The following TENM2 variants were observed in gnomAD, a reference collection of about 807,000 sequenced individuals.
The protein encoded by TENM2 is teneurin-2.
Under a neutral mutation model 245.2 loss-of-function variants are expected in TENM2, and 52 were observed. The ratio of observed to expected loss-of-function variants is 0.21; its 90% CI spans 0.17 to 0.27. The LOEUF (loss-of-function observed/expected upper bound fraction) is 0.27, where lower values mean the gene tolerates loss of function less well. Among genes scored for constraint, TENM2 ranks in the 10% least tolerant of loss-of-function variants. The pLI is 1.00. For missense variants in TENM2, 3,046 were observed against 3,666.8 expected (o/e 0.83, Z 4.37); for synonymous variants, 1,363 against 1,438.9 (o/e 0.95, Z 1.19).
intron 1 of TENM2, among the ~76,000 whole-genome samples, chr5:167,354,150 C>T (rs574656963): frequency 4.6e-5 from 7 of 152,236 alleles, no homozygotes; most frequent in Admixed American, 2.6e-4. Flanking sequence ...AAAGACCAGC[C>T]GGAACTGCCA....
rs1561625931 is a variant in TENM2, at chr5:167,638,120, TGTGTGTGTGTGTGTGTG to T, written c.503-237865_503-237849del. 1.4e-3 allele frequency among the ~76,000 whole-genome samples: 206 copies of T among 150,502 alleles called. 2 individuals carry two copies. The East Asian group carries it at 0.031, about 23-fold the overall frequency. On this transcript the variant is annotated intron_variant, in intron 2 of 28. Transcript: ENST00000518659. ...GTGTGTGTGTGTGTGTGTGTGTGTGTGTGTGTGTGTGTGTGTGTGTGTGTCAGGGGGCATGCATACAC... is the reference window on the plus strand; with the variant it reads ...GTGTGTGTGTGTGTGTGTGTGTGTGTTGTGTGTCAGGGGGCATGCATACAC...
chr5:166,994,120 C>T, the TENM2 span, among the ~76,000 whole-genome samples: 2 of 152,106 alleles, frequency 1.3e-5, no homozygotes, highest in African/African-American at 2.4e-5. Context: ...ACCTCTGCAC[C>T]CTGATATATC....
chr5:168,073,503 TG>T (rs775518270), intron 7 of TENM2, among the ~76,000 whole-genome samples: 6 of 152,196 alleles, frequency 3.9e-5, no homozygotes, highest in Non-Finnish European at 8.8e-5. Context: ...TCTTCGCTAA[TG>T]GGGACATACC....
At chr5:167,462,988 A>G (rs1325429826) in intron 2 of TENM2, among the ~76,000 whole-genome samples, 2 of 152,142 alleles carry the variant, frequency 1.3e-5, no homozygotes, top group African/African-American at 4.8e-5. Flanking sequence ...AGCCAAAAGC[A>G]TAACAGTTAC....
intron 2 of TENM2, among the ~76,000 whole-genome samples, chr5:167,497,900 T>G (rs1768921942): frequency 6.6e-6 from 1 of 152,132 alleles, no homozygotes; most frequent in East Asian, 1.9e-4. Context: ...AAATAGCATC[T>G]ATCCTTGTAA....
chr5:168,242,972 C>CG (rs201076748), intron 25 of TENM2, among the ~76,000 whole-genome samples: 4,580 of 150,772 alleles, frequency 0.03, 87 homozygotes, highest in Middle Eastern at 0.042. Flanking sequence ...AAAAAAAAAA[C>CG]TTATTATTAC....
chr5:167,618,603 A>G (rs1193392005), intron 2 of TENM2, among the ~76,000 whole-genome samples: 2 of 152,096 alleles, frequency 1.3e-5, no homozygotes, highest in Non-Finnish European at 2.9e-5. Flanking sequence ...TATTCTACTT[A>G]TAAGTTCATT....
At chr5:168,018,918 C>G (rs1467110529) in intron 5 of TENM2, among the ~76,000 whole-genome samples, 1 of 152,128 alleles carries the variant, frequency 6.6e-6, no homozygotes, top group African/African-American at 2.4e-5. Context: ...ACTTATAACA[C>G]AAGACCAAGG....
intron 3 of TENM2, among the ~76,000 whole-genome samples, chr5:167,941,739 A>T (rs1779196807): frequency 6.6e-6 from 1 of 151,484 alleles, no homozygotes; most frequent in Non-Finnish European, 1.5e-5. Flanking sequence ...CTGTAGTCCC[A>T]CCTACTTGGA....
intron 2 of TENM2, among the ~76,000 whole-genome samples, chr5:167,529,119 T>C (rs1224748260): frequency 6.6e-6 from 1 of 152,208 alleles, no homozygotes; most frequent in Non-Finnish European, 1.5e-5. Context: ...AACTCTTTTC[T>C]CTTCTTCATA....
At chr5:167,036,349 A>G in the TENM2 span, among the ~76,000 whole-genome samples, 1 of 152,212 alleles carries the variant, frequency 6.6e-6, no homozygotes, top group Admixed American at 6.5e-5. Context: ...GGTGAGGACC[A>G]CGCTATTTCA....
the TENM2 span, among the ~76,000 whole-genome samples, chr5:167,130,504 C>T: frequency 2.0e-5 from 3 of 152,192 alleles, no homozygotes; most frequent in Admixed American, 6.5e-5. Flanking sequence ...ATTCACTCAA[C>T]GTCCCACATG....
chr5:167,945,259 T>A (rs565934743), intron 3 of TENM2, among the ~76,000 whole-genome samples: 12 of 152,054 alleles, frequency 7.9e-5, no homozygotes, highest in African/African-American at 2.7e-4. Flanking sequence ...AGTCCAAAAA[T>A]AATATAAAAC....
chr5:167,830,752 G>T (rs1054264017), intron 2 of TENM2, among the ~76,000 whole-genome samples: 1 of 152,126 alleles, frequency 6.6e-6, no homozygotes, highest in Non-Finnish European at 1.5e-5. Context: ...TTGAGAGCAC[G>T]TCTGAGTGCC....
chr5:167,515,516 G>A (rs1342850220), intron 2 of TENM2, among the ~76,000 whole-genome samples: 1 of 150,156 alleles, frequency 6.7e-6, no homozygotes, highest in Non-Finnish European at 1.5e-5. Context: ...TAAGTCCTAG[G>A]GATACCAAAG....
chr5:167,631,641 A>G (rs1027596978), intron 2 of TENM2, among the ~76,000 whole-genome samples: 2 of 152,050 alleles, frequency 1.3e-5, no homozygotes, highest in Admixed American at 6.6e-5. Context: ...CCATATTCCT[A>G]CTACTGTTCC....
At chr5:168,234,164 G>T (rs1231823976) in intron 25 of TENM2, among the ~76,000 whole-genome samples, 1 of 151,934 alleles carries the variant, frequency 6.6e-6, no homozygotes, top group African/African-American at 2.4e-5. Context: ...GGTGGGGGGT[G>T]GTCAGGCAGA....
chr5:168,003,534 A>G (rs141137345), intron 5 of TENM2, among the ~76,000 whole-genome samples: 243 of 152,314 alleles, frequency 1.6e-3, no homozygotes, highest in African/African-American at 5.4e-3. Context: ...AAAATATGGA[A>G]CAGTTAAAGG....
chr5:167,509,710 G>A (rs1049922427), intron 2 of TENM2, among the ~76,000 whole-genome samples: 4 of 152,152 alleles, frequency 2.6e-5, no homozygotes, highest in Admixed American at 1.3e-4. Context: ...CATGTGCCAG[G>A]ACCCACGCTA....
Sources: allele counts gnomAD v4.1 joint callset (sites outside exome capture counted in the v4.1 genomes callset), GRCh38; gene constraint gnomAD v4.1.1; transcripts MANE v1.5; gene names NCBI Gene and HGNC (gene_info 2026-07-23, HGNC 2026-07-21).